Variants in ECHDC2 observed in about 807,000 individuals in gnomAD.
ECHDC2 encodes the protein enoyl-CoA hydratase domain-containing protein 2, mitochondrial.
Under a neutral mutation model 40.6 loss-of-function variants are expected in ECHDC2, and 34 were observed. The ratio of observed to expected loss-of-function variants is 0.84; its 90% CI spans 0.64 to 1.11. ECHDC2 has a LOEUF of 1.11. ECHDC2 is among the 50% of genes most tolerant of loss of function. ECHDC2 has a pLI of 0.00. For missense variants in ECHDC2, 392 were observed against 400.7 expected (o/e 0.98, Z 0.19); for synonymous variants, 162 against 166.6 (o/e 0.97, Z 0.21).
Position 52,905,027 on chromosome 1 carries a change from C to G in ECHDC2, c.514+7G>C. On this transcript the variant is annotated splice_region_variant and intron_variant, in intron 6 of 9. Transcript: ENST00000371522. Reference sequence around the variant, plus strand: ...TGGAATTGGGCGGGTGCTGTAGTTGCGATTACCTGCCCCCGGGAGGAGCCC... The same window carrying G: ...TGGAATTGGGCGGGTGCTGTAGTTGGGATTACCTGCCCCCGGGAGGAGCCC... The G allele has an allele frequency of 9.3e-6, 15 of 1,614,138 alleles. No homozygotes were observed. Among genetic ancestry groups the G allele is most frequent in the South Asian group, 2.2e-5 (2 of 91,082 alleles).
intron 1 of ECHDC2, among the ~76,000 whole-genome samples, chr1:52,918,832 A>T (rs1651295881): frequency 6.6e-6 from 1 of 152,140 alleles, no homozygotes; most frequent in Non-Finnish European, 1.5e-5. Flanking sequence ...GTGTACAGTA[A>T]TGTCCTAGGC....
intron 1 of ECHDC2, among the ~76,000 whole-genome samples, chr1:52,917,780 C>T (rs553033203): frequency 2.0e-5 from 3 of 152,102 alleles, no homozygotes; most frequent in African/African-American, 7.2e-5. Flanking sequence ...AACATCATAG[C>T]GCAATGCAAC....
intron 7 of ECHDC2, chr1:52,900,646 G>GGA (rs1167467856): frequency 6.6e-6 from 1 of 152,110 alleles, no homozygotes; most frequent in African/African-American, 2.4e-5. Flanking sequence ...GATGATCTGG[G>GGA]GAGAGAGAGG....
chr1:52,907,991 A>T, intron 3 of ECHDC2, 37 bp from the exon 4 acceptor site: 1 of 1,598,370 alleles, frequency 6.3e-7, no homozygotes, highest in Non-Finnish European at 8.6e-7. Flanking sequence ...CCCTTAGGAA[A>T]ATGGCACTTT....
chr1:52,901,157 C>CAAAAATAA (rs1553129095), intron 7 of ECHDC2: 1 of 118,000 alleles, frequency 8.5e-6, no homozygotes, highest in East Asian at 2.0e-4. Flanking sequence ...GACCCTGTCT[C>CAAAAATAA]AAAAATAAAT....
At chr1:52,897,035 A>C (rs1198781147) in intron 9 of ECHDC2, 1 of 296,034 alleles carries the variant, frequency 3.4e-6, no homozygotes. Flanking sequence ...CCCATGAGTA[A>C]GAGATTTAAT....
intron 1 of ECHDC2, chr1:52,915,138 A>G: frequency 2.2e-6 from 1 of 446,074 alleles, no homozygotes; most frequent in Non-Finnish European, 4.5e-6. Context: ...CACCCTTATC[A>G]TCCCTTCTAG....
Position 52,909,080 on chromosome 1 carries a change from C to T in ECHDC2, c.278-1126G>A, listed in dbSNP as rs181242801. Among the ~76,000 whole-genome samples the T allele has an allele frequency of 6.6e-4, 101 of 152,196 alleles. No individual in the cohort carries two copies. The East Asian group carries it at 0.018, about 27-fold the overall frequency. ...ATCAAAAACCACAATGAGATACTAC[C>T]TCACGTCTATTAGAATGGCTTTTAA... is the stretch of plus-strand genomic sequence containing the variant. On this transcript the variant is annotated intron_variant, in intron 3 of 9. Coordinates refer to ENST00000371522, the MANE Select transcript of ECHDC2 (RefSeq NM_001198961.2).
chr1:52,911,119 G>C (rs545548795), intron 3 of ECHDC2, among the ~76,000 whole-genome samples: 2 of 152,234 alleles, frequency 1.3e-5, no homozygotes, highest in South Asian at 2.1e-4. Flanking sequence ...TGGGACTACA[G>C]GTGCCTGCCA....
At chr1:52,897,108 T>G in intron 9 of ECHDC2, 1 of 429,268 alleles carries the variant, frequency 2.3e-6, no homozygotes, top group Non-Finnish European at 4.3e-6. Context: ...ACCAAGCCCT[T>G]GACCTCCCAA....
At position 52,914,281 on chromosome 1, in the gene ECHDC2, A is replaced by C. The variant is rs534034769; in HGVS notation, c.122-2491T>G. ...ACAGGAGAGTAGGAATTGGCCAGGCAAAAGATGTAAGAGTGCATGTGTGCA... is the reference window on the plus strand; with the variant it reads ...ACAGGAGAGTAGGAATTGGCCAGGCCAAAGATGTAAGAGTGCATGTGTGCA... On this transcript the variant is annotated intron_variant, in intron 1 of 9. Coordinates refer to ENST00000371522, the MANE Select transcript of ECHDC2 (RefSeq NM_001198961.2). This position sits in a 1 kb window ranked among gnomAD's most constrained non-coding sequence, Gnocchi z 4.0. 1.3e-5 allele frequency among the ~76,000 whole-genome samples: 2 copies of C among 152,294 alleles called. No individual in the cohort carries two copies. The highest frequency in any genetic ancestry group is 1.3e-4 in the Admixed American group (2 of 15,288).
intron 5 of ECHDC2, chr1:52,905,798 G>A (rs1363259769): frequency 6.0e-6 from 1 of 167,530 alleles, no homozygotes; most frequent in Non-Finnish European, 1.3e-5. Context: ...GGAGAGTTGG[G>A]GCTAGACCAG....
intron 3 of ECHDC2, among the ~76,000 whole-genome samples, chr1:52,911,151 A>AT (rs995434077): frequency 6.6e-6 from 1 of 151,758 alleles, no homozygotes; most frequent in African/African-American, 2.4e-5. Context: ...TAATTTTTGT[A>AT]TTTTTTAGTA....
intron 9 of ECHDC2, 163 bp downstream of exon 9, chr1:52,897,274 T>C: frequency 1.4e-6 from 1 of 721,088 alleles, no homozygotes; most frequent in Non-Finnish European, 2.5e-6. Flanking sequence ...AGAAGCACTA[T>C]GGCTCTCCTC....
intron 3 of ECHDC2, among the ~76,000 whole-genome samples, chr1:52,908,484 G>A (rs939356996): frequency 2.6e-5 from 4 of 151,836 alleles, no homozygotes; most frequent in African/African-American, 7.3e-5. Flanking sequence ...CCTCGGTGAC[G>A]AGCAAGACTC....
rs771128240 is a variant in ECHDC2, at chr1:52,911,610, C to T, written c.233G>A (p.Arg78His). 1.2e-5 allele frequency: 20 copies of T among 1,614,038 alleles called. No homozygotes were observed. The highest frequency in any genetic ancestry group is 6.6e-5 in the South Asian group (6 of 91,078). The change falls in exon 3 of 10, where the codon CGT becomes CAT. Residue 78 changes from arginine to histidine, a missense_variant. Coordinates refer to ENST00000371522, the MANE Select transcript of ECHDC2 (RefSeq NM_001198961.2). ...CACTCCACTTCTGAAGAGCAGGACA[C>T]GCACTTGCCGGTCCTCCCGCAGCTG... is the stretch of plus-strand genomic sequence containing the variant. ...LAQLREDRQV[R>H]VLLFRSGVKG...
At chr1:52,898,021 TCTGGACGAGCTG>T (rs797016459) in intron 8 of ECHDC2, 5 of 180,308 alleles carry the variant, frequency 2.8e-5, no homozygotes, top group African/African-American at 1.2e-4. Context: ...CTCACTCTCA[TCTGGACGAGCTG>T]CTTGCTTATC....
At chr1:52,915,029 GC>G (rs1378704318) in intron 1 of ECHDC2, 3 of 336,634 alleles carry the variant, frequency 8.9e-6, no homozygotes, top group East Asian at 7.5e-5. Flanking sequence ...CGACCATAAG[GC>G]CCCCCCAATC....
At chr1:52,913,831 C>T in intron 1 of ECHDC2, 1 of 801,140 alleles carries the variant, frequency 1.2e-6, no homozygotes, top group Non-Finnish European at 1.6e-6. Context: ...TGTGGGTTTA[C>T]ACAGATGCAT....
Sources: gnomAD v4.1 joint callset for allele counts (sites outside exome capture counted in the v4.1 genomes callset) on GRCh38, gnomAD v4.1.1 for gene constraint, Gnocchi (gnomAD v3.1) non-coding constraint, MANE v1.5 for transcripts, NCBI Gene and HGNC (gene_info 2026-07-23, HGNC 2026-07-21) for gene names.